Variants in CUL2 observed in about 807,000 individuals in gnomAD.
The protein encoded by CUL2 is cullin 2, also known as cullin-2.
CUL2 carries 22 observed loss-of-function variants against 110.2 expected under a neutral mutation model. The observed-to-expected ratio is 0.20, with a 90% CI of 0.14 to 0.28. The LOEUF is 0.28. Among genes scored for constraint, CUL2 ranks in the 10% least tolerant of loss-of-function variants. The pLI, the probability that CUL2 is intolerant of heterozygous loss-of-function variation, is 1.00. For synonymous variants in CUL2, 279 were observed against 293.2 expected (o/e 0.95, Z 0.49); for missense variants, 631 against 905.5 (o/e 0.70, Z 3.89).
At chr10:35,043,727 T>G (rs1470558909) in intron 8 of CUL2, among the ~76,000 whole-genome samples, 2 of 152,144 alleles carry the variant, frequency 1.3e-5, no homozygotes, top group Admixed American at 6.5e-5. Flanking sequence ...AAAATAAACA[T>G]GGGATTTAAC....
chr10:35,025,269 T>G, intron 16 of CUL2, 71 bp from the exon 17 acceptor site: 1 of 1,477,930 alleles, frequency 6.8e-7, no homozygotes, highest in Admixed American at 2.6e-5. Context: ...AACACAATAC[T>G]ACAAAAGCAA....
intron 1 of CUL2, among the ~76,000 whole-genome samples, chr10:35,088,072 G>A (rs1360179609): frequency 6.6e-6 from 1 of 152,124 alleles, no homozygotes. Flanking sequence ...GTTCTTTTCT[G>A]GTTACAGTAT....
At chr10:35,103,308 A>ATTTTTTTTTTTTTTTTTTTTTTTTTT in intron 1 of CUL2, among the ~76,000 whole-genome samples, 1 of 94,546 alleles carries the variant, frequency 1.1e-5, no homozygotes. Flanking sequence ...GGCCAAGCTA[A>ATTTTTTTTTTTTTTTTTTTTTTTTTT]TTTTTTTTTT....
At chr10:35,115,335 G>T (rs2087581129) in intron 1 of CUL2, among the ~76,000 whole-genome samples, 1 of 151,960 alleles carries the variant, frequency 6.6e-6, no homozygotes, top group Non-Finnish European at 1.5e-5. Flanking sequence ...GCGGAGGCGG[G>T]CGGATAGCGA....
At chr10:35,013,838 CA>C (rs767680453) in intron 18 of CUL2, 38 bp from the exon 19 acceptor site, 4 of 1,297,948 alleles carry the variant, frequency 3.1e-6, no homozygotes, top group South Asian at 1.8e-5. Context: ...TTATAAAAAC[CA>C]AAATCTTTAA....
intron 1 of CUL2, among the ~76,000 whole-genome samples, chr10:35,115,881 A>G (rs2087589726): frequency 6.6e-6 from 1 of 152,118 alleles, no homozygotes; most frequent in Admixed American, 6.6e-5. Context: ...TGACAAAGTG[A>G]GACCTGGTCT....
intron 1 of CUL2, among the ~76,000 whole-genome samples, chr10:35,074,809 T>C (rs1467045047): frequency 1.3e-5 from 2 of 152,156 alleles, no homozygotes; most frequent in African/African-American, 4.8e-5. Context: ...TAAGAAACTT[T>C]CTTGGACCAT....
chr10:35,064,675 A>T (rs1267086616), intron 2 of CUL2, among the ~76,000 whole-genome samples: 1 of 152,142 alleles, frequency 6.6e-6, no homozygotes, highest in Non-Finnish European at 1.5e-5. Context: ...TTCTATTTAT[A>T]TATTTTTAAG....
At chr10:35,053,956 A>T (rs1237743654) in intron 5 of CUL2, among the ~76,000 whole-genome samples, 2 of 152,210 alleles carry the variant, frequency 1.3e-5, no homozygotes, top group African/African-American at 4.8e-5. Context: ...TTTCACAATC[A>T]GCATAATTTT....
At chr10:35,100,181 G>T (rs2087357958) in intron 2 of CUL2, among the ~76,000 whole-genome samples, 1 of 151,922 alleles carries the variant, frequency 6.6e-6, no homozygotes, top group South Asian at 2.1e-4. Flanking sequence ...CTAAAAAAAG[G>T]TTAGCAACAT....
At chr10:35,068,114 A>G (rs1419254978) in intron 2 of CUL2, among the ~76,000 whole-genome samples, 6 of 151,842 alleles carry the variant, frequency 4.0e-5, no homozygotes, top group African/African-American at 1.4e-4. Context: ...CGTCTCAAAA[A>G]AAAAAAAAAA....
rs191773564 is a variant in CUL2 at position 35,111,845 on chromosome 10, G to A, written c.-50-10785C>T. Among the ~76,000 whole-genome samples, 384 of 152,270 alleles carry A rather than the reference G, an allele frequency of 2.5e-3. 3 individuals are homozygous for A. Among genetic ancestry groups the A allele is most frequent in the African/African-American group, 8.9e-3 (371 of 41,564 alleles). The stretch of plus-strand genomic sequence containing the variant: ...GCAGAGGTTGCAGTGAGCTGAGATC[G>A]CATCATTGCACTCCAGCCTGATATA... On this transcript the variant is annotated intron_variant, in intron 1 of 5. Transcript: ENST00000685421.
chr10:35,072,229 A>T (rs528185379), intron 1 of CUL2, among the ~76,000 whole-genome samples: 1 of 149,534 alleles, frequency 6.7e-6, no homozygotes, highest in East Asian at 1.9e-4. Flanking sequence ...TTTTAAGATT[A>T]AAAAAAAAAG....
chr10:35,102,936 T>C (rs2087403495), intron 1 of CUL2, among the ~76,000 whole-genome samples: 1 of 152,058 alleles, frequency 6.6e-6, no homozygotes, highest in Non-Finnish European at 1.5e-5. Context: ...CAATGTTAGT[T>C]CCAGCCACAA....
intron 1 of CUL2, among the ~76,000 whole-genome samples, chr10:35,071,703 C>G (rs987511395): frequency 2.0e-5 from 3 of 152,132 alleles, no homozygotes; most frequent in South Asian, 4.1e-4. Flanking sequence ...CCATCACACC[C>G]GGCCAGTTAT....
rs112540936 is a variant in CUL2, at chr10:35,044,685, A to G, written c.604-9T>C. The stretch of plus-strand genomic sequence containing the variant: ...AAAATTTCCTGATAAAACTGAATAA[A>G]TCAATTACATCATATTAGAAGAAAT... On this transcript the variant is annotated splice_polypyrimidine_tract_variant and intron_variant, in intron 7 of 20. Coordinates refer to ENST00000374749, the MANE Select transcript of CUL2 (RefSeq NM_003591.4). The G allele has an allele frequency of 2.8e-5, 44 of 1,588,840 alleles. No individual in the cohort carries two copies. The African/African-American group carries it at 2.8e-4, about 10-fold the overall frequency.
At chr10:35,095,604 G>A (rs1328275122), upstream of CUL2, among the ~76,000 whole-genome samples, 1 of 152,082 alleles carries the variant, frequency 6.6e-6, no homozygotes, top group Non-Finnish European at 1.5e-5. Flanking sequence ...CGTTGCCCGG[G>A]CTGGAGTGCA....
chr10:35,025,758 T>G (rs2085322358), intron 16 of CUL2, among the ~76,000 whole-genome samples: 1 of 152,188 alleles, frequency 6.6e-6, no homozygotes, highest in Non-Finnish European at 1.5e-5. Context: ...AATGTGTAAT[T>G]ACAGAACAAA....
intron 1 of CUL2, among the ~76,000 whole-genome samples, chr10:35,081,575 T>G (rs1183055292): frequency 6.6e-6 from 1 of 152,180 alleles, no homozygotes; most frequent in South Asian, 2.1e-4. Context: ...CAACCAGCCT[T>G]TACACAAATT....
Sources: gnomAD v4.1 joint callset for allele counts (sites outside exome capture counted in the v4.1 genomes callset) on GRCh38, gnomAD v4.1.1 for gene constraint, MANE v1.5 for transcripts, NCBI Gene and HGNC (gene_info 2026-07-23, HGNC 2026-07-21) for gene names.